The following STAC variants were observed in gnomAD, a reference collection of about 807,000 sequenced individuals.
STAC encodes SH3 and cysteine rich domain.
A neutral mutation model predicts 48.8 loss-of-function variants in STAC; 43 were observed. The ratio of observed to expected loss-of-function variants is 0.88; its 90% CI spans 0.69 to 1.14. STAC has a LOEUF of 1.14. Ranked by LOEUF, STAC falls within the 50% of genes most tolerant of loss-of-function variation. The pLI is 0.00. For missense variants in STAC, 497 were observed against 504.0 expected, an observed-to-expected ratio of 0.99 and a Z score of 0.13; for synonymous variants, 193 against 179.5, an observed-to-expected ratio of 1.07 and a Z score of -0.60.
At chr3:36,437,755 T>A (rs985036232) in intron 1 of STAC, among the ~76,000 whole-genome samples, 2 of 150,794 alleles carry the variant, frequency 1.3e-5, no homozygotes, top group Admixed American at 1.3e-4. Flanking sequence ...TGTGCACATG[T>A]ACCCTAAAAC....
intron 6 of STAC, among the ~76,000 whole-genome samples, chr3:36,496,324 C>A (rs6786359): frequency 0.91 from 138,090 of 152,246 alleles, 62,867 homozygotes; most frequent in African/African-American, 0.98. Flanking sequence ...TTTGAGAAAC[C>A]ACATGGAGAA....
chr3:36,465,856 G>T (rs1291248792), intron 2 of STAC, among the ~76,000 whole-genome samples: 2 of 152,040 alleles, frequency 1.3e-5, no homozygotes, highest in African/African-American at 4.8e-5. Flanking sequence ...AAGCTGATTA[G>T]ATTGTGCCCA....
intron 1 of STAC, among the ~76,000 whole-genome samples, chr3:36,406,014 C>G (rs1700081839): frequency 6.6e-6 from 1 of 152,232 alleles, no homozygotes; most frequent in Non-Finnish European, 1.5e-5. Context: ...TGAGCCACAA[C>G]AACTAGCAGA....
At chr3:36,481,708 A>C (rs1229957151) in intron 2 of STAC, among the ~76,000 whole-genome samples, 2 of 152,224 alleles carry the variant, frequency 1.3e-5, no homozygotes, top group Non-Finnish European at 2.9e-5. Context: ...TGGACTCACC[A>C]ACCCTTTTCC....
chr3:36,439,797 A>C (rs1696286362), intron 1 of STAC, among the ~76,000 whole-genome samples: 1 of 152,088 alleles, frequency 6.6e-6, no homozygotes, highest in Admixed American at 6.5e-5. Flanking sequence ...GCCCCTTCTC[A>C]CTTAGCTTTT....
At chr3:36,515,999 T>C (rs998788969) in intron 8 of STAC, among the ~76,000 whole-genome samples, 223 of 132,132 alleles carry the variant, frequency 1.7e-3, no homozygotes, top group African/African-American at 6.0e-3. Context: ...TTTTTTTTTT[T>C]TGAGACAGAG....
chr3:36,463,085 T>G (rs1007591355), intron 2 of STAC, among the ~76,000 whole-genome samples: 1 of 152,172 alleles, frequency 6.6e-6, no homozygotes, highest in Admixed American at 6.5e-5. Flanking sequence ...GATTTAAAAT[T>G]TTTACACTTA....
chr3:36,444,897 G>A (rs959857139), intron 2 of STAC, among the ~76,000 whole-genome samples: 3 of 152,228 alleles, frequency 2.0e-5, no homozygotes, highest in East Asian at 1.9e-4. Context: ...CTGGGCCGGG[G>A]GCGATGGAGG....
chr3:36,487,826 A>T (rs1697856434), intron 5 of STAC, among the ~76,000 whole-genome samples: 1 of 152,208 alleles, frequency 6.6e-6, no homozygotes, highest in African/African-American at 2.4e-5. Context: ...TGAGGGGATA[A>T]TGTGTGTCAT....
At chr3:36,470,030 G>C (rs1173519628) in intron 2 of STAC, among the ~76,000 whole-genome samples, 12 of 152,096 alleles carry the variant, frequency 7.9e-5, no homozygotes, top group Non-Finnish European at 1.5e-4. Flanking sequence ...GTGCCTCCTT[G>C]ATTAGCTTAA....
At chr3:36,518,028 A>T (rs1432657862) in intron 8 of STAC, among the ~76,000 whole-genome samples, 4 of 152,214 alleles carry the variant, frequency 2.6e-5, no homozygotes, top group African/African-American at 4.8e-5. Context: ...GTAACCAGTC[A>T]CATTATCCTC....
At chr3:36,417,782 T>C (rs1575185515) in intron 1 of STAC, among the ~76,000 whole-genome samples, 1 of 152,226 alleles carries the variant, frequency 6.6e-6, no homozygotes, top group East Asian at 1.9e-4. Context: ...AATTTATGTG[T>C]TCCTTAACAT....
In STAC at chr3:36,389,987, A is replaced by T. The variant is rs139654568; in HGVS notation, c.111+9233A>T. Reference sequence around the variant, plus strand: ...TTTCATTTGGGGGGGAAGGGAGTGCAGTGGGTAGGGACAGGGGTTTATTGC... The same window carrying T: ...TTTCATTTGGGGGGGAAGGGAGTGCTGTGGGTAGGGACAGGGGTTTATTGC... On this transcript the variant is annotated intron_variant, in intron 1 of 10. Transcript: ENST00000273183. Among the ~76,000 whole-genome samples, 276 of 152,290 alleles carry T rather than the reference A, an allele frequency of 1.8e-3. 2 individuals carry two copies. The highest frequency in any genetic ancestry group is 6.2e-3 in the African/African-American group (259 of 41,546).
chr3:36,500,646 CCA>C (rs1698260533), intron 6 of STAC, among the ~76,000 whole-genome samples: 1 of 151,864 alleles, frequency 6.6e-6, no homozygotes, highest in Admixed American at 6.6e-5. Context: ...TACTGATCAC[CCA>C]CTAGGTCATA....
chr3:36,539,065 T>A (rs1472210239), intron 10 of STAC, among the ~76,000 whole-genome samples: 2 of 152,226 alleles, frequency 1.3e-5, no homozygotes, highest in African/African-American at 2.4e-5. Flanking sequence ...TTCAAGATAG[T>A]CCTCACTTCA....
chr3:36,480,868 C>T (rs35014592), intron 2 of STAC, among the ~76,000 whole-genome samples: 34,017 of 151,988 alleles, frequency 0.22, 4,365 homozygotes, highest in Middle Eastern at 0.33. Flanking sequence ...CTGGGAATAT[C>T]GAGGCAAATT....
At chr3:36,465,959 C>G (rs1697157918) in intron 2 of STAC, among the ~76,000 whole-genome samples, 1 of 152,134 alleles carries the variant, frequency 6.6e-6, no homozygotes, top group Non-Finnish European at 1.5e-5. Context: ...AGGATTAATA[C>G]TTTGTATCCC....
At chr3:36,508,658 T>C (rs564995775) in intron 8 of STAC, among the ~76,000 whole-genome samples, 2 of 152,324 alleles carry the variant, frequency 1.3e-5, no homozygotes, top group South Asian at 2.1e-4. Flanking sequence ...ATTGACCCCT[T>C]TACCATTATG....
intron 10 of STAC, among the ~76,000 whole-genome samples, chr3:36,531,770 C>G (rs142548460): frequency 6.6e-6 from 1 of 152,162 alleles, no homozygotes; most frequent in Non-Finnish European, 1.5e-5. Flanking sequence ...AGTGAGAAAC[C>G]CCTGGCACCT....
Sources: gnomAD v4.1 joint callset for allele counts (sites outside exome capture counted in the v4.1 genomes callset) on GRCh38, gnomAD v4.1.1 for gene constraint, MANE v1.5 for transcripts, NCBI Gene and HGNC (gene_info 2026-07-23, HGNC 2026-07-21) for gene names.